Variants in SGPP2 observed in about 807,000 individuals in gnomAD.
SGPP2 encodes sphingosine 1-phosphate phosphohydrolase 2.
SGPP2 carries 30 observed loss-of-function variants against 33.9 expected under a neutral mutation model. The ratio of observed to expected loss-of-function variants is 0.89; its 90% CI spans 0.66 to 1.20. The LOEUF is 1.20. SGPP2 is among the 50% of genes most tolerant of loss of function. The pLI is 0.00. For missense variants in SGPP2, 458 were observed against 532.1 expected, an observed-to-expected ratio of 0.86 and a Z score of 1.37; for synonymous variants, 233 against 225.0, an observed-to-expected ratio of 1.04 and a Z score of -0.32.
chr2:222,548,575 T>G (rs574688086), intron 4 of SGPP2, among the ~76,000 whole-genome samples: 2 of 152,338 alleles, frequency 1.3e-5, no homozygotes, highest in South Asian at 4.1e-4. Flanking sequence ...ATGCTTTCGG[T>G]GACAGAGTGC....
intron 2 of SGPP2, among the ~76,000 whole-genome samples, chr2:222,493,273 A>G (rs1488155930): frequency 6.6e-6 from 1 of 152,182 alleles, no homozygotes; most frequent in Non-Finnish European, 1.5e-5. Flanking sequence ...GAAACTCACA[A>G]TTATGGTGGG....
At chr2:222,505,088 C>A (rs1441237336) in intron 2 of SGPP2, among the ~76,000 whole-genome samples, 1 of 152,186 alleles carries the variant, frequency 6.6e-6, no homozygotes, top group Non-Finnish European at 1.5e-5. Flanking sequence ...TATCTAAATA[C>A]ATTCAGCTTC....
chr2:222,451,986 G>A (rs1362991140), intron 1 of SGPP2, among the ~76,000 whole-genome samples: 2 of 151,988 alleles, frequency 1.3e-5, no homozygotes, highest in African/African-American at 4.8e-5. Flanking sequence ...TGACTCTTGA[G>A]CAACATGGAT....
At chr2:222,458,998 G>A (rs1188297216) in intron 1 of SGPP2, among the ~76,000 whole-genome samples, 1 of 152,084 alleles carries the variant, frequency 6.6e-6, no homozygotes, top group African/African-American at 2.4e-5. Flanking sequence ...AAACTTTAAT[G>A]GGCAAGAGAA....
chr2:222,468,384 T>TAAAA (rs61207611), intron 1 of SGPP2, among the ~76,000 whole-genome samples: 1 of 142,680 alleles, frequency 7.0e-6, no homozygotes, highest in East Asian at 2.0e-4. Flanking sequence ...TCCTTCCTTG[T>TAAAA]AAAAAAAAAA....
intron 2 of SGPP2, among the ~76,000 whole-genome samples, chr2:222,503,248 T>A (rs1159847002): frequency 6.6e-6 from 1 of 152,180 alleles, no homozygotes; most frequent in Non-Finnish European, 1.5e-5. Context: ...CGAGGGATGA[T>A]CAGAAAGTCC....
intron 1 of SGPP2, among the ~76,000 whole-genome samples, chr2:222,425,035 G>GGGT (rs760260501): frequency 1.1e-4 from 16 of 152,248 alleles, no homozygotes; most frequent in Admixed American, 2.0e-4. Flanking sequence ...GGTCTATTGA[G>GGGT]ATATCCCCAG....
At chr2:222,512,004 TTTTATTTA>T (rs34621381) in intron 2 of SGPP2, among the ~76,000 whole-genome samples, 5 of 147,672 alleles carry the variant, frequency 3.4e-5, no homozygotes, top group African/African-American at 5.0e-5. Flanking sequence ...TAAAATAAAC[TTTTATTTA>T]TTTATTTATT....
At chr2:222,448,030 A>G (rs1421466311) in intron 1 of SGPP2, among the ~76,000 whole-genome samples, 1 of 152,224 alleles carries the variant, frequency 6.6e-6, no homozygotes, top group Non-Finnish European at 1.5e-5. Flanking sequence ...GAGGCAGGCC[A>G]GCTAGAATCC....
chr2:222,469,152 G>C (rs1382888230), intron 1 of SGPP2, among the ~76,000 whole-genome samples: 26 of 152,186 alleles, frequency 1.7e-4, no homozygotes. Context: ...TTCATTTGCT[G>C]TGTGACAGAT....
intron 2 of SGPP2, among the ~76,000 whole-genome samples, chr2:222,514,494 A>G (rs1297999836): frequency 2.6e-5 from 4 of 152,194 alleles, no homozygotes; most frequent in African/African-American, 9.7e-5. Flanking sequence ...CACTCACTAC[A>G]CCTGGCTAGT....
At chr2:222,549,942 T>C (rs1229615274) in intron 4 of SGPP2, among the ~76,000 whole-genome samples, 1 of 151,410 alleles carries the variant, frequency 6.6e-6, no homozygotes, top group Non-Finnish European at 1.5e-5. Context: ...AGTGGCACAA[T>C]CTCAGCTCAT....
At chr2:222,448,946 G>C (rs569992598) in intron 1 of SGPP2, among the ~76,000 whole-genome samples, 3 of 152,318 alleles carry the variant, frequency 2.0e-5, no homozygotes, top group African/African-American at 7.2e-5. Context: ...CCCATCTCCA[G>C]TGAGCAGCGA....
intron 1 of SGPP2, among the ~76,000 whole-genome samples, chr2:222,444,933 G>T (rs1697377592): frequency 6.6e-6 from 1 of 152,146 alleles, no homozygotes; most frequent in Non-Finnish European, 1.5e-5. Flanking sequence ...TTGTGAGCAT[G>T]GGTAATAAAA....
intron 1 of SGPP2, among the ~76,000 whole-genome samples, chr2:222,469,946 G>A (rs548122336): frequency 1.4e-3 from 217 of 152,278 alleles, no homozygotes; most frequent in African/African-American, 4.8e-3. Context: ...AAAAAAGAAT[G>A]AGTTCATGTC....
chr2:222,425,187 A>C (rs1368914068), intron 1 of SGPP2, among the ~76,000 whole-genome samples: 1 of 152,124 alleles, frequency 6.6e-6, no homozygotes, highest in Non-Finnish European at 1.5e-5. Flanking sequence ...AGACGTTCTT[A>C]GACTCCCCCC....
In SGPP2 at chr2:222,562,162, T is replaced by G. The variant is rs1689554402; in HGVS notation, c.*3264T>G. On this transcript the variant is annotated 3_prime_UTR_variant, in exon 5 of 5. Transcript: ENST00000321276. The stretch of plus-strand genomic sequence containing the variant: ...ACTGTGACACCAAAGCCCCCAGGAC[T>G]ATCTGCCTCTCCAGGAGCCAGATAG... Among the ~76,000 whole-genome samples, 1 of 152,164 alleles carries G rather than the reference T, an allele frequency of 6.6e-6. No homozygotes were observed. Among genetic ancestry groups the G allele is most frequent in the African/African-American group, 2.4e-5 (1 of 41,432 alleles).
intron 1 of SGPP2, chr2:222,452,650 A>T: frequency 7.2e-7 from 1 of 1,379,582 alleles, no homozygotes; most frequent in East Asian, 2.3e-5. Flanking sequence ...GTGTTCCAGG[A>T]GTAGTTGCTC....
intron 1 of SGPP2, among the ~76,000 whole-genome samples, chr2:222,436,157 G>T (rs1697236820): frequency 1.3e-5 from 2 of 152,168 alleles, no homozygotes; most frequent in African/African-American, 4.8e-5. Flanking sequence ...TTCAAGGTAG[G>T]AGGAGCCCAA....
Sources: gnomAD v4.1 joint callset for allele counts (sites outside exome capture counted in the v4.1 genomes callset) on GRCh38, gnomAD v4.1.1 for gene constraint, MANE v1.5 for transcripts, NCBI Gene and HGNC (gene_info 2026-07-23, HGNC 2026-07-21) for gene names.